Variants in SPTLC3 observed in about 807,000 individuals in gnomAD.
SPTLC3 encodes the protein serine palmitoyltransferase 3.
In SPTLC3, 36 loss-of-function variants were observed where a neutral mutation model predicts 59.3. The observed-to-expected ratio is 0.61, with a 90% CI of 0.47 to 0.80. SPTLC3 has a LOEUF of 0.80. Ranked by LOEUF, SPTLC3 falls within the 30% of genes least tolerant of loss-of-function variation. SPTLC3 has a pLI of 0.00. For synonymous variants in SPTLC3, 257 were observed against 240.8 expected (o/e 1.07, Z -0.62); for missense variants, 625 against 685.1 (o/e 0.91, Z 0.98).
intron 9 of SPTLC3, among the ~76,000 whole-genome samples, chr20:13,144,554 T>A (rs1191362458): frequency 6.6e-6 from 1 of 152,142 alleles, no homozygotes; most frequent in Non-Finnish European, 1.5e-5. Context: ...AGGACAAAAA[T>A]TTCTTGAGGC....
At chr20:13,070,208 C>T (rs145740212) in intron 2 of SPTLC3, among the ~76,000 whole-genome samples, 77 of 152,276 alleles carry the variant, frequency 5.1e-4, no homozygotes, top group African/African-American at 1.8e-3. Flanking sequence ...ATCACAGCTA[C>T]TTAAAGAAAA....
At chr20:13,083,863 C>A (rs1215005675) in intron 4 of SPTLC3, among the ~76,000 whole-genome samples, 1 of 152,118 alleles carries the variant, frequency 6.6e-6, no homozygotes, top group Non-Finnish European at 1.5e-5. Context: ...ACACTGTTGG[C>A]CCACTGTTTA....
chr20:13,013,046 T>A (rs77121453), intron 1 of SPTLC3, among the ~76,000 whole-genome samples: 6,928 of 152,194 alleles, frequency 0.046, 238 homozygotes, highest in Middle Eastern at 0.092. Context: ...GCACAATAGG[T>A]CATGTGACTT....
chr20:13,072,433 A>G (rs770098684), intron 3 of SPTLC3, 23 bp downstream of exon 3: 17 of 1,538,080 alleles, frequency 1.1e-5, no homozygotes, highest in Non-Finnish European at 1.4e-5. Context: ...CTTGGAGGGG[A>G]TTGGTGAAAA....
chr20:13,043,585 C>A (rs1355894963), intron 1 of SPTLC3, among the ~76,000 whole-genome samples: 1 of 152,206 alleles, frequency 6.6e-6, no homozygotes, highest in African/African-American at 2.4e-5. Context: ...TCCCTGTGGC[C>A]AGGACAGTCA....
intron 6 of SPTLC3, among the ~76,000 whole-genome samples, chr20:13,098,455 T>G (rs1171184417): frequency 1.3e-5 from 2 of 152,198 alleles, no homozygotes; most frequent in African/African-American, 4.8e-5. Context: ...CTCTTATTCT[T>G]GGAATTTTTC....
At chr20:13,046,382 C>T (rs373617603) in intron 1 of SPTLC3, among the ~76,000 whole-genome samples, 1 of 152,212 alleles carries the variant, frequency 6.6e-6, no homozygotes, top group East Asian at 1.9e-4. Context: ...CAAAAAGCAG[C>T]CCTCCTTCCA....
Position 13,052,614 on chromosome 20 carries a change from C to T in SPTLC3, c.303+3484C>T, listed in dbSNP as rs368315299. On this transcript the variant is annotated intron_variant, in intron 2 of 11. Transcript: ENST00000399002. Reference sequence around the variant, plus strand: ...TCTAATTCAGTGGATCCCACCCCCACGGAGCCCAGCAAGCTAAGATCCACT... The same window carrying T: ...TCTAATTCAGTGGATCCCACCCCCATGGAGCCCAGCAAGCTAAGATCCACT... Among the ~76,000 whole-genome samples the T allele has an allele frequency of 4.8e-4, 73 of 152,278 alleles. 2 individuals are homozygous for T. Among genetic ancestry groups the T allele is most frequent in the South Asian group, 3.3e-3 (16 of 4,828 alleles).
At chr20:13,066,563 T>C (rs1568585958) in intron 2 of SPTLC3, among the ~76,000 whole-genome samples, 1 of 152,160 alleles carries the variant, frequency 6.6e-6, no homozygotes, top group South Asian at 2.1e-4. Context: ...TACTGAAAAA[T>C]GTGTGTATTT....
At chr20:13,160,214 T>C in intron 11 of SPTLC3, 82 bp downstream of exon 11, 1 of 1,454,344 alleles carries the variant, frequency 6.9e-7, no homozygotes, top group Non-Finnish European at 9.2e-7. Context: ...CAGCTTGGGG[T>C]TCTCTGGGTT....
chr20:13,112,955 G>C (rs1006002796), intron 7 of SPTLC3, among the ~76,000 whole-genome samples: 4 of 152,156 alleles, frequency 2.6e-5, no homozygotes, highest in African/African-American at 9.7e-5. Context: ...GACCAAGGCA[G>C]GTGGATTACT....
At chr20:13,074,156 G>A in intron 3 of SPTLC3, 193 bp from the exon 4 acceptor site, 1 of 796,064 alleles carries the variant, frequency 1.3e-6, no homozygotes, top group Non-Finnish European at 2.2e-6. Flanking sequence ...ATCCTCCGAG[G>A]GAAACCAACC....
At chr20:13,017,839 A>G (rs76964183) in intron 1 of SPTLC3, among the ~76,000 whole-genome samples, 540 of 152,278 alleles carry the variant, frequency 3.5e-3, no homozygotes, top group Non-Finnish European at 5.9e-3. Flanking sequence ...GACTTACTTG[A>G]CCAAAAACGT....
At position 13,116,421 on chromosome 20, in the gene SPTLC3, A is replaced by G. The variant is rs571796534; in HGVS notation, c.933-1085A>G. ...AGTCAAAACTGTGTGCAACATAGAC[A>G]CAGCTTGCAAAGTGTTCTGAGAACT... On this transcript the variant is annotated intron_variant, in intron 7 of 11. Transcript: ENST00000399002. 2.0e-5 allele frequency among the ~76,000 whole-genome samples: 3 copies of G among 152,266 alleles called. No homozygotes were observed. In the East Asian group the frequency reaches 5.8e-4, roughly 29 times the overall value.
intron 1 of SPTLC3, among the ~76,000 whole-genome samples, chr20:13,036,687 G>T (rs1986750237): frequency 1.3e-5 from 2 of 152,122 alleles, no homozygotes; most frequent in Middle Eastern, 3.4e-3. Context: ...AAGGGTCAAT[G>T]GTACTACCAA....
intron 2 of SPTLC3, among the ~76,000 whole-genome samples, chr20:13,059,355 C>A (rs1987858948): frequency 6.6e-6 from 1 of 152,276 alleles, no homozygotes. Flanking sequence ...CTCTCAGACC[C>A]AGCCCAGCAT....
At position 13,074,341 on chromosome 20, in the gene SPTLC3, C is replaced by T. The variant is rs1464082122; in HGVS notation, c.459-8C>T. 1.2e-6 allele frequency: 2 copies of T among 1,613,218 alleles called. No individual in the cohort carries two copies. Among genetic ancestry groups the T allele is most frequent in the Admixed American group, 1.7e-5 (1 of 59,974 alleles). ...GGATTATGTGCTCATTTACATGTTT[C>T]CCCACAGGTTTACTGGAAGAGTCAT... On this transcript the variant is annotated splice_region_variant and splice_polypyrimidine_tract_variant and intron_variant, in intron 3 of 11. Transcript: ENST00000399002.
At chr20:13,031,178 A>G (rs1986426311) in intron 1 of SPTLC3, among the ~76,000 whole-genome samples, 1 of 152,180 alleles carries the variant, frequency 6.6e-6, no homozygotes, top group South Asian at 2.1e-4. Flanking sequence ...ACTTCTGGAC[A>G]ATAGAACTTC....
intron 10 of SPTLC3, among the ~76,000 whole-genome samples, chr20:13,159,368 C>T (rs1321254): frequency 0.057 from 8,611 of 152,190 alleles, 284 homozygotes; most frequent in African/African-American, 0.087. Flanking sequence ...CATCCCTGGG[C>T]ATGTTCATTC....
Sources: allele counts gnomAD v4.1 joint callset (sites outside exome capture counted in the v4.1 genomes callset), GRCh38; gene constraint gnomAD v4.1.1; transcripts MANE v1.5; gene names NCBI Gene and HGNC (gene_info 2026-07-23, HGNC 2026-07-21).